Variants in ECT2 observed in about 807,000 individuals in gnomAD.
ECT2 encodes the protein epithelial cell transforming 2.
Under a neutral mutation model 116.9 loss-of-function variants are expected in ECT2, and 61 were observed. That is an observed-to-expected ratio of 0.52 (90% confidence interval 0.42 to 0.65). ECT2 has a LOEUF of 0.65. Among genes scored for constraint, ECT2 ranks in the 30% least tolerant of loss-of-function variants. The pLI, the probability that ECT2 is intolerant of heterozygous loss-of-function variation, is 0.00. For synonymous variants in ECT2, 358 were observed against 346.4 expected (o/e 1.03, Z -0.37); for missense variants, 937 against 1,078.7 (o/e 0.87, Z 1.84).
downstream of ECT2, among the ~76,000 whole-genome samples, chr3:172,823,851 A>G (rs765372814): frequency 1.3e-5 from 2 of 151,900 alleles, no homozygotes; most frequent in African/African-American, 2.4e-5. Context: ...TTATGGATAC[A>G]TAATATTTGT....
chr3:172,802,795 A>G (rs1286405704), intron 19 of ECT2, 66 bp from the exon 20 acceptor site: 2 of 1,551,084 alleles, frequency 1.3e-6, no homozygotes, highest in South Asian at 1.2e-5. Context: ...TTTCTTTTAA[A>G]TTACAACTTC....
intron 16 of ECT2, among the ~76,000 whole-genome samples, 166 bp from the exon 17 acceptor site, chr3:172,784,541 A>C (rs1723275673): frequency 6.6e-6 from 1 of 152,186 alleles, no homozygotes; most frequent in Non-Finnish European, 1.5e-5. Flanking sequence ...AGGACATTTC[A>C]GGCCCTGAAA....
intron 18 of ECT2, among the ~76,000 whole-genome samples, chr3:172,799,270 G>A (rs1272661604): frequency 1.3e-5 from 2 of 152,018 alleles, no homozygotes; most frequent in Non-Finnish European, 2.9e-5. Context: ...TAAATTTTAA[G>A]AAACAAGTCT....
chr3:172,785,562 T>C (rs1448375294), intron 17 of ECT2, among the ~76,000 whole-genome samples: 1 of 150,780 alleles, frequency 6.6e-6, no homozygotes, highest in African/African-American at 2.4e-5. Flanking sequence ...CAGGAAAAAG[T>C]CTATAATAAA....
At position 172,802,991 on chromosome 3, in the gene ECT2, AC is replaced by A. The variant is rs1727007229; in HGVS notation, c.2106+12del. Reference sequence around the variant, plus strand: ...AATGATTGCCTAGAGGTAAAGATGTACTTCACATAGTATAATAACACTACTG... The same window carrying A: ...AATGATTGCCTAGAGGTAAAGATGTATTCACATAGTATAATAACACTACTG... On this transcript the variant is annotated intron_variant, in intron 20 of 24. Transcript: ENST00000392692. 8 of 1,605,374 alleles carry A rather than the reference AC, an allele frequency of 5.0e-6. No homozygotes were observed. Among genetic ancestry groups the A allele is most frequent in the Non-Finnish European group, 5.9e-6 (7 of 1,177,078 alleles).
intron 18 of ECT2, among the ~76,000 whole-genome samples, chr3:172,789,565 GA>G (rs1247557231): frequency 6.6e-6 from 1 of 152,124 alleles, no homozygotes; most frequent in Non-Finnish European, 1.5e-5. Context: ...TTCCTTTCAT[GA>G]ATGATTTCTC....
intron 24 of ECT2, among the ~76,000 whole-genome samples, chr3:172,817,978 G>C (rs1257328737): frequency 6.6e-6 from 1 of 152,098 alleles, no homozygotes; most frequent in African/African-American, 2.4e-5. Flanking sequence ...TGTCTGTAAA[G>C]TGAGTCTTAA....
rs1415386906 is a variant in ECT2 at position 172,764,285 on chromosome 3, C to G, written c.1076C>G (p.Thr359Ser). The change falls in exon 12 of 25, where the codon ACT (threonine) becomes AGT (serine). Residue 359 changes from threonine to serine, a missense_variant. Transcript: ENST00000392692. Reference sequence around the variant, plus strand: ...GTGTGCTTTTGATTACAGGCAAATACTCCTGAGCTCAAGAAATCAGTGTCA... The same window carrying G: ...GTGTGCTTTTGATTACAGGCAAATAGTCCTGAGCTCAAGAAATCAGTGTCA... The part of the protein sequence containing the change: ...ETMYLYEKAN[T>S]PELKKSVSML... The G allele has an allele frequency of 6.2e-7, 1 of 1,613,850 alleles. No homozygotes were observed. Among genetic ancestry groups the G allele is most frequent in the African/African-American group, 1.3e-5 (1 of 74,912 alleles).
chr3:172,816,879 A>T (rs1395305668), intron 24 of ECT2, 42 bp downstream of exon 24: 11 of 1,444,556 alleles, frequency 7.6e-6, no homozygotes, highest in Non-Finnish European at 1.0e-5. Context: ...CTTATTTATG[A>T]AGTTGTTATG....
intron 4 of ECT2, 28 bp from the exon 5 acceptor site, chr3:172,756,955 T>C: frequency 6.5e-7 from 1 of 1,550,122 alleles, no homozygotes; most frequent in South Asian, 1.3e-5. Flanking sequence ...TAAATAATTT[T>C]TATTTCTGCT....
intron 18 of ECT2, among the ~76,000 whole-genome samples, chr3:172,801,004 A>T (rs969984108): frequency 1.8e-4 from 28 of 152,306 alleles, no homozygotes; most frequent in African/African-American, 6.3e-4. Flanking sequence ...GATCTTTCAA[A>T]AATATCTTTC....
In ECT2 at chr3:172,805,751, G is replaced by A. The variant is rs1428449751; in HGVS notation, c.2127G>A (p.Lys709=). The part of the protein sequence containing the change: ...DCLEIARKRH[K]VIGTFRSPHG... ...ATCAGATAGCAAGAAAACGGCACAAGGTTATTGGCACTTTTAGGAGTCCTC... is the reference window on the plus strand; with the variant it reads ...ATCAGATAGCAAGAAAACGGCACAAAGTTATTGGCACTTTTAGGAGTCCTC... Residue 709 remains lysine, a synonymous_variant, in exon 21 of 25, where the codon AAG becomes AAA. Transcript: ENST00000392692. The A allele has an allele frequency of 6.2e-7, 1 of 1,613,544 alleles. No homozygotes were observed. Among genetic ancestry groups the A allele is most frequent in the Admixed American group, 1.7e-5 (1 of 59,974 alleles).
chr3:172,791,232 C>T (rs1005988915), intron 18 of ECT2, among the ~76,000 whole-genome samples: 1 of 152,114 alleles, frequency 6.6e-6, no homozygotes, highest in East Asian at 1.9e-4. Context: ...CAGGCAGAGT[C>T]GATTTAGCAT....
chr3:172,755,511 T>A lies in ECT2; in HGVS notation c.239T>A (p.Ile80Lys). The change falls in exon 4 of 25, where the codon ATA becomes AAA. Residue 80 changes from isoleucine (I) to lysine (K), a missense_variant. Physicochemically the swap from Ile to Lys is moderately radical, Grantham distance 102. Coordinates refer to ENST00000392692, the MANE Select transcript of ECT2 (RefSeq NM_001258315.2). ...KTIKIMEVPV[I>K]KIKESCPGKS... ...ATTAAAATAATGGAAGTCCCTGTTATAAAGATAAAAGAAAGTTGTCCTGGA... is the reference window on the plus strand; with the variant it reads ...ATTAAAATAATGGAAGTCCCTGTTAAAAAGATAAAAGAAAGTTGTCCTGGA... 6.6e-7 allele frequency: 1 copy of A among 1,506,886 alleles called. No homozygotes were observed. Among genetic ancestry groups the A allele is most frequent in the Non-Finnish European group, 9.0e-7 (1 of 1,117,176 alleles). The allele number at this position is 1,506,886 out of a possible 1,614,324, so 93.3% of individuals were successfully genotyped here.
chr3:172,788,064 A>T (rs890476342), intron 18 of ECT2, among the ~76,000 whole-genome samples: 4 of 152,192 alleles, frequency 2.6e-5, no homozygotes, highest in African/African-American at 9.7e-5. Context: ...AATAAATGTT[A>T]AATTATAGGA....
At chr3:172,816,604 C>T (rs1185560560) in intron 23 of ECT2, 87 bp from the exon 24 acceptor site, 9 of 1,177,350 alleles carry the variant, frequency 7.6e-6, no homozygotes, top group Non-Finnish European at 1.0e-5. Context: ...AAAACTTTTG[C>T]CATATATTTG....
the ECT2 span, chr3:172,828,859 G>A: frequency 4.5e-6 from 5 of 1,101,850 alleles, no homozygotes; most frequent in African/African-American, 6.2e-5. Flanking sequence ...TGAGAGACGA[G>A]TGCCTGAGAG....
chr3:172,765,742 AGCT>A (rs1719249792), intron 12 of ECT2, among the ~76,000 whole-genome samples: 2 of 152,322 alleles, frequency 1.3e-5, no homozygotes, highest in African/African-American at 4.8e-5. Context: ...CTATTACTGT[AGCT>A]TTTAAGTCCC....
At chr3:172,795,929 A>G (rs1371340999) in intron 18 of ECT2, among the ~76,000 whole-genome samples, 1 of 152,212 alleles carries the variant, frequency 6.6e-6, no homozygotes, top group Non-Finnish European at 1.5e-5. Context: ...TAAGAGGACA[A>G]TGTGTTTTTT....
Sources: allele counts gnomAD v4.1 joint callset (sites outside exome capture counted in the v4.1 genomes callset), GRCh38; gene constraint gnomAD v4.1.1; transcripts MANE v1.5; gene names NCBI Gene and HGNC (gene_info 2026-07-23, HGNC 2026-07-21).